DNASE1: variants seen among roughly 807,000 people sequenced by gnomAD.
DNASE1 encodes deoxyribonuclease-1.
A neutral mutation model predicts 33.9 loss-of-function variants in DNASE1; 40 were observed. The ratio of observed to expected loss-of-function variants is 1.18; its 90% CI spans 0.92 to 1.54. DNASE1 has a LOEUF of 1.54. DNASE1 is among the 40% of genes most tolerant of loss of function. The probability of loss-of-function intolerance (pLI) is 0.00; values close to 1 mark genes in which losing one functional copy is unlikely to be tolerated. For missense variants in DNASE1, 518 were observed against 372.6 expected, an observed-to-expected ratio of 1.39 and a Z score of -3.21; for synonymous variants, 216 against 160.0, an observed-to-expected ratio of 1.35 and a Z score of -2.64.
intron 1 of DNASE1, among the ~76,000 whole-genome samples, chr16:3,623,476 C>T (rs1289496417): frequency 2.0e-5 from 3 of 152,042 alleles, no homozygotes; most frequent in Non-Finnish European, 4.4e-5. Context: ...GAAAAATAGG[C>T]AAATGGGACT....
At chr16:3,659,776 GATA>G (rs1423987775), downstream of DNASE1, 46 of 149,686 alleles carry the variant, frequency 3.1e-4, no homozygotes, top group Non-Finnish European at 5.8e-4. Flanking sequence ...TAGATAGATA[GATA>G]GACTCTCACT....
upstream of DNASE1, chr16:3,651,559 C>G (rs1208002133): frequency 6.6e-6 from 1 of 152,342 alleles, no homozygotes; most frequent in Non-Finnish European, 1.5e-5. Flanking sequence ...GGGGCTTGGA[C>G]CTACAGCTCG....
intron 1 of DNASE1, among the ~76,000 whole-genome samples, chr16:3,631,132 C>T (rs1337462460): frequency 6.6e-6 from 1 of 152,030 alleles, no homozygotes; most frequent in Admixed American, 6.6e-5. Flanking sequence ...AAGCGATTCT[C>T]CTGCCTCAGC....
chr16:3,648,577 C>T (rs999130140), intron 1 of DNASE1, among the ~76,000 whole-genome samples: 5 of 152,156 alleles, frequency 3.3e-5, no homozygotes, highest in South Asian at 2.1e-4. Flanking sequence ...GCCAAGATCG[C>T]GCCACTGCAC....
At chr16:3,620,747 C>T (rs1366212104) in intron 1 of DNASE1, among the ~76,000 whole-genome samples, 1 of 151,110 alleles carries the variant, frequency 6.6e-6, no homozygotes, top group East Asian at 1.9e-4. Flanking sequence ...TCTAGGATTT[C>T]TAGGCTAAAG....
chr16:3,648,045 G>A lies in DNASE1; in HGVS notation c.-86+5009G>A, dbSNP rs117651226. On this transcript the variant is annotated intron_variant, in intron 1 of 9. Coordinates refer to the DNASE1 transcript ENST00000407479. The stretch of plus-strand genomic sequence containing the variant: ...TAGCCAGGCATGGTGGCGCACATCC[G>A]TAATCCCATCTACTAGGGAGGCTGA... Among the ~76,000 whole-genome samples the A allele has an allele frequency of 3.4e-4, 51 of 152,238 alleles. No homozygotes were observed. The East Asian group carries it at 9.3e-3, about 28-fold the overall frequency.
At chr16:3,661,575 T>C (rs2043076840), downstream of DNASE1, 1 of 166,812 alleles carries the variant, frequency 6.0e-6, no homozygotes, top group Admixed American at 6.4e-5. Flanking sequence ...GCAGCGGACA[T>C]TATTCGGCTA....
At chr16:3,636,034 C>T (rs542646784) in intron 1 of DNASE1, among the ~76,000 whole-genome samples, 1 of 152,314 alleles carries the variant, frequency 6.6e-6, no homozygotes, top group Admixed American at 6.5e-5. Flanking sequence ...CTGCTCATTT[C>T]TGCCTGTCAT....
chr16:3,657,772 CTTCCCTT>C lies in DNASE1; in HGVS notation c.759_765del (p.Pro254ThrfsTer8). 19 of 1,614,116 alleles carry C rather than the reference CTTCCCTT, an allele frequency of 1.2e-5. No individual in the cohort carries two copies. The highest frequency in any genetic ancestry group is 1.6e-5 in the Non-Finnish European group (19 of 1,180,034). On this transcript the variant is annotated frameshift_variant, in exon 8 of 9. Coordinates refer to ENST00000246949, the MANE Select transcript of DNASE1 (RefSeq NM_005223.4). LOFTEE classifies it low-confidence loss of function (END_TRUNC). Reference sequence around the variant, plus strand: ...AGGCGCCGTTGTTCCCGACTCGGCTCTTCCCTTTAACTTCCAGGCTGCCTATGGCCTG... The same window carrying C: ...AGGCGCCGTTGTTCCCGACTCGGCTCTAACTTCCAGGCTGCCTATGGCCTG...
Position 3,658,077 on chromosome 16 carries a change from C to T in DNASE1, c.*124C>T. ...CCTTTAAATTTAGGTAAATAAAGCTCAAGGAGGTGGGGCTGTCATCTGTGG... is the reference window on the plus strand; with the variant it reads ...CCTTTAAATTTAGGTAAATAAAGCTTAAGGAGGTGGGGCTGTCATCTGTGG... On this transcript the variant is annotated 3_prime_UTR_variant, in exon 9 of 9. Transcript: ENST00000246949. The T allele has an allele frequency of 6.2e-7, 1 of 1,610,094 alleles. No individual in the cohort carries two copies. Among genetic ancestry groups the T allele is most frequent in the Non-Finnish European group, 8.5e-7 (1 of 1,177,200 alleles).
chr16:3,658,589 C>A, downstream of DNASE1: 1 of 592,762 alleles, frequency 1.7e-6, no homozygotes, highest in Admixed American at 3.0e-5. Context: ...AGGGGAATTG[C>A]TTGAACCCGG....
intron 1 of DNASE1, among the ~76,000 whole-genome samples, chr16:3,624,065 A>T (rs1596565313): frequency 6.6e-6 from 1 of 152,056 alleles, no homozygotes; most frequent in Admixed American, 6.6e-5. Flanking sequence ...CAGGCGGATC[A>T]CTTGAGTGCA....
chr16:3,659,801 G>C (rs903405004), downstream of DNASE1: 2 of 151,920 alleles, frequency 1.3e-5, no homozygotes, highest in Admixed American at 1.3e-4. Context: ...CTTCACCCAA[G>C]CTAGAGTGAA....
chr16:3,616,713 T>C (rs1596549003), intron 1 of DNASE1, among the ~76,000 whole-genome samples: 1 of 152,348 alleles, frequency 6.6e-6, no homozygotes, highest in East Asian at 1.9e-4. Flanking sequence ...TTTGTTCTTT[T>C]TCAAGAACGT....
In DNASE1 at chr16:3,654,700, ACAG is replaced by A. The variant is rs2042481806; in HGVS notation, c.-340_-338del. ...AACGTGATTATCAGGTGCAGTTTTT[ACAG>A]CAGCAAGAAACCTGTGCTTACAGAA... On this transcript the variant is annotated 5_prime_UTR_variant, in exon 1 of 9. Transcript: ENST00000246949. 2.5e-6 allele frequency: 1 copy of A among 399,434 alleles called. No individual in the cohort carries two copies. The highest frequency in any genetic ancestry group is 2.1e-5 in the African/African-American group (1 of 48,660). The allele number at this position is 399,434 out of a possible 1,614,324, so 24.7% of individuals were successfully genotyped here. A position where few individuals can be genotyped will look rare whatever the true frequency, so the allele number is the denominator to read the frequency against.
chr16:3,655,856 G>C lies in DNASE1; in HGVS notation c.155G>C (p.Ser52Thr). Residue 52 changes from serine to threonine, a missense_variant, in exon 3 of 9, where the codon AGC (serine) becomes ACC (threonine). By Grantham distance (58) the Ser-to-Thr change is moderately conservative (BLOSUM62 1). Transcript: ENST00000246949. ...TLVSYIVQIL[S>T]RYDIALVQEV... Reference sequence around the variant, plus strand: ...CTGTGGCCCTGCCCCCAGATCCTGAGCCGCTATGACATCGCCCTGGTCCAG... The same window carrying C: ...CTGTGGCCCTGCCCCCAGATCCTGACCCGCTATGACATCGCCCTGGTCCAG... 6.2e-7 allele frequency: 1 copy of C among 1,613,766 alleles called. No individual in the cohort carries two copies. The highest frequency in any genetic ancestry group is 2.2e-5 in the East Asian group (1 of 44,876).
intron 1 of DNASE1, among the ~76,000 whole-genome samples, chr16:3,628,711 A>T (rs1367261021): frequency 1.3e-5 from 2 of 151,242 alleles, no homozygotes; most frequent in Non-Finnish European, 3.0e-5. Context: ...GGCGCCCGCC[A>T]CCACGCCCGG....
rs1014104163 is a variant in DNASE1 at position 3,647,527 on chromosome 16, G to T, written c.-86+4491G>T. On this transcript the variant is annotated intron_variant, in intron 1 of 9. Transcript: ENST00000407479. ...AAGCTCTAGCAGTCCTCCCACTGTG[G>T]CCTGCCAAAGTGCTGGGATTACAGG... Among the ~76,000 whole-genome samples the T allele has an allele frequency of 1.4e-4, 22 of 152,100 alleles. 1 individual carries two copies. The highest frequency in any genetic ancestry group is 1.5e-5 in the Non-Finnish European group (1 of 68,030).
In DNASE1 at chr16:3,664,303, A is replaced by G. The variant is rs776028001; in HGVS notation, c.*6350A>G. On this transcript the variant is annotated 3_prime_UTR_variant, in exon 10 of 10. Transcript: ENST00000407479. ...GTGTCTTTCTTCTTCATGGCCTCAT[A>G]GTAGGGTGAGTGCTCTGCCAGGTGA... 3.1e-6 allele frequency: 5 copies of G among 1,607,554 alleles called. No homozygotes were observed. In the South Asian group the frequency reaches 4.4e-5, roughly 14 times the overall value.
Sources: allele counts gnomAD v4.1 joint callset (sites outside exome capture counted in the v4.1 genomes callset), GRCh38; gene constraint gnomAD v4.1.1; transcripts MANE v1.5; gene names NCBI Gene and HGNC (gene_info 2026-07-23, HGNC 2026-07-21).